The following CACNA2D1 variants were observed in gnomAD, a reference collection of about 807,000 sequenced individuals.
The protein encoded by CACNA2D1 is calcium voltage-gated channel auxiliary subunit alpha2delta 1.
Under a neutral mutation model 171.5 loss-of-function variants are expected in CACNA2D1, and 53 were observed. That is an observed-to-expected ratio of 0.31 (90% confidence interval 0.25 to 0.39). The LOEUF is 0.39. Among genes scored for constraint, CACNA2D1 ranks in the 10% least tolerant of loss-of-function variants. The probability of loss-of-function intolerance (pLI) is 1.00; values close to 1 mark genes in which losing one functional copy is unlikely to be tolerated. For synonymous variants in CACNA2D1, 442 were observed against 443.1 expected (o/e 1.00, Z 0.03); for missense variants, 903 against 1,299.8 (o/e 0.69, Z 4.69).
rs557636573 is a variant in CACNA2D1, at chr7:82,044,299, C to A, written c.880-6064G>T. 2.6e-5 allele frequency among the ~76,000 whole-genome samples: 4 copies of A among 152,114 alleles called. No individual in the cohort carries two copies. The East Asian group carries it at 5.8e-4, about 22-fold the overall frequency. On this transcript the variant is annotated intron_variant, in intron 10 of 38. Coordinates refer to ENST00000356860, the MANE Select transcript of CACNA2D1 (RefSeq NM_000722.4). ...TAGGGTACTTTGTACATTGTTTAGT[C>A]CTAAAGCATTTTTAAGAAGCAAAAA... is the stretch of plus-strand genomic sequence containing the variant.
chr7:81,999,560 G>A (rs1383206835), intron 18 of CACNA2D1, among the ~76,000 whole-genome samples: 1 of 152,100 alleles, frequency 6.6e-6, no homozygotes, highest in South Asian at 2.1e-4. Flanking sequence ...CCTTCAAATT[G>A]AGGAGTCTTG....
chr7:82,001,174 C>T (rs908336784), intron 18 of CACNA2D1, among the ~76,000 whole-genome samples: 44 of 152,076 alleles, frequency 2.9e-4, no homozygotes, highest in Admixed American at 9.2e-4. Flanking sequence ...TACTTATTTG[C>T]ACTTTGGTAC....
At chr7:82,028,715 G>C (rs1259901748) in intron 12 of CACNA2D1, 1 of 151,822 alleles carries the variant, frequency 6.6e-6, no homozygotes, top group Non-Finnish European at 1.5e-5. Context: ...CTAGCATTCA[G>C]TGGAGGATGT....
chr7:81,998,733 G>T (rs1441452088), intron 18 of CACNA2D1, among the ~76,000 whole-genome samples: 1 of 151,962 alleles, frequency 6.6e-6, no homozygotes, highest in African/African-American at 2.4e-5. Context: ...TTTTTCAAAG[G>T]TGAAAATGCT....
At chr7:82,079,235 T>C (rs1809382753) in intron 7 of CACNA2D1, among the ~76,000 whole-genome samples, 1 of 152,194 alleles carries the variant, frequency 6.6e-6, no homozygotes, top group South Asian at 2.1e-4. Context: ...ATGCTTCTTA[T>C]TCTCTTAACA....
chr7:82,073,722 TACCGA>T (rs1808609047), intron 7 of CACNA2D1, among the ~76,000 whole-genome samples: 1 of 152,144 alleles, frequency 6.6e-6, no homozygotes, highest in African/African-American at 2.4e-5. Context: ...TGCCTCAGCC[TACCGA>T]GTAGCTGGGA....
chr7:82,417,762 A>T (rs1257204868), intron 1 of CACNA2D1, among the ~76,000 whole-genome samples: 3 of 152,234 alleles, frequency 2.0e-5, no homozygotes, highest in Non-Finnish European at 2.9e-5. Flanking sequence ...GTAGTAGGAA[A>T]GGTAAAGGCA....
chr7:81,967,222 T>A lies in CACNA2D1; in HGVS notation c.2464-15A>T. The stretch of plus-strand genomic sequence containing the variant: ...GGACCAGCACACTGAAAGACAAAAA[T>A]GCGATTATCACCTCACTTTTAAAAG... On this transcript the variant is annotated splice_polypyrimidine_tract_variant and intron_variant, in intron 30 of 38. Transcript: ENST00000356860. 1.2e-6 allele frequency: 2 copies of A among 1,602,176 alleles called. No homozygotes were observed. The highest frequency in any genetic ancestry group is 1.7e-6 in the Non-Finnish European group (2 of 1,170,578).
intron 3 of CACNA2D1, among the ~76,000 whole-genome samples, chr7:82,284,825 T>C (rs1480334676): frequency 6.6e-6 from 1 of 152,180 alleles, no homozygotes; most frequent in South Asian, 2.1e-4. Context: ...ATAGTATATA[T>C]GTGGCTTGGG....
intron 21 of CACNA2D1, 152 bp from the exon 22 acceptor site, chr7:81,984,863 A>G: frequency 1.6e-6 from 1 of 644,804 alleles, no homozygotes; most frequent in Non-Finnish European, 2.8e-6. Flanking sequence ...CATTCAGCAA[A>G]TACAGTACTT....
Position 82,336,690 on chromosome 7 carries a change from T to A in CACNA2D1, c.178-1439A>T, listed in dbSNP as rs140962434. Among the ~76,000 whole-genome samples the A allele has an allele frequency of 7.2e-5, 11 of 152,338 alleles. 1 individual carries two copies. In the East Asian group the frequency reaches 2.1e-3, roughly 29 times the overall value. ...ATCATCCATGAAGAACTTCATCCAA[T>A]GCAAAGCTTTCTCTTTCATTTCAGA... is the stretch of plus-strand genomic sequence containing the variant. On this transcript the variant is annotated intron_variant, in intron 2 of 38. Coordinates refer to ENST00000356860, the MANE Select transcript of CACNA2D1 (RefSeq NM_000722.4).
intron 1 of CACNA2D1, among the ~76,000 whole-genome samples, chr7:82,413,878 T>C (rs1827921546): frequency 1.3e-5 from 2 of 152,086 alleles, no homozygotes; most frequent in Non-Finnish European, 2.9e-5. Context: ...ATATATAAAA[T>C]GAAAATATAC....
At chr7:82,282,504 T>C (rs1406439417) in intron 3 of CACNA2D1, among the ~76,000 whole-genome samples, 1 of 152,120 alleles carries the variant, frequency 6.6e-6, no homozygotes, top group East Asian at 1.9e-4. Context: ...GTAAGAGCTG[T>C]GGGCAGGAAG....
chr7:82,261,653 A>T (rs1299203645), intron 3 of CACNA2D1, among the ~76,000 whole-genome samples: 1 of 152,160 alleles, frequency 6.6e-6, no homozygotes, highest in Non-Finnish European at 1.5e-5. Flanking sequence ...TATAACCAAC[A>T]TATAGGGTGA....
chr7:82,368,377 A>C (rs1821988276), intron 1 of CACNA2D1, among the ~76,000 whole-genome samples: 1 of 152,238 alleles, frequency 6.6e-6, no homozygotes, highest in Non-Finnish European at 1.5e-5. Flanking sequence ...TGCTAAAATT[A>C]CTTTTAAAAG....
chr7:82,319,464 T>G (rs539596390), intron 3 of CACNA2D1, among the ~76,000 whole-genome samples: 1 of 152,334 alleles, frequency 6.6e-6, no homozygotes, highest in Admixed American at 6.5e-5. Context: ...AGAGTCAAAC[T>G]TGTTACTATC....
At chr7:82,189,584 G>A (rs1798095251) in intron 3 of CACNA2D1, among the ~76,000 whole-genome samples, 1 of 151,624 alleles carries the variant, frequency 6.6e-6, no homozygotes, top group African/African-American at 2.4e-5. Flanking sequence ...AAAAATTTTG[G>A]CAAAGGTTAA....
chr7:82,113,693 T>C (rs1414672804), intron 6 of CACNA2D1, among the ~76,000 whole-genome samples: 1 of 152,192 alleles, frequency 6.6e-6, no homozygotes, highest in African/African-American at 2.4e-5. Context: ...TCATATTCAT[T>C]AAACTCAGAA....
At chr7:82,107,457 G>T in intron 6 of CACNA2D1, among the ~76,000 whole-genome samples, 1 of 151,956 alleles carries the variant, frequency 6.6e-6, no homozygotes, top group East Asian at 1.9e-4. Flanking sequence ...CCTAGTTTGG[G>T]CAAAATTCAA....
Sources: gnomAD v4.1 joint callset for allele counts (sites outside exome capture counted in the v4.1 genomes callset) on GRCh38, gnomAD v4.1.1 for gene constraint, MANE v1.5 for transcripts, NCBI Gene and HGNC (gene_info 2026-07-23, HGNC 2026-07-21) for gene names.